Variants in ZNF555 observed in about 807,000 individuals in gnomAD.
The protein encoded by ZNF555 is zinc finger protein 555.
Under a neutral mutation model 14.0 loss-of-function variants are expected in ZNF555, and 10 were observed. The observed-to-expected ratio is 0.72, with a 90% CI of 0.44 to 1.21. The LOEUF (loss-of-function observed/expected upper bound fraction) is 1.21, where lower values mean the gene tolerates loss of function less well. Ranked by LOEUF, ZNF555 falls within the 50% of genes most tolerant of loss-of-function variation. The pLI is 0.00. For missense variants in ZNF555, 747 were observed against 762.0 expected, an observed-to-expected ratio of 0.98 and a Z score of 0.23; for synonymous variants, 277 against 262.4, an observed-to-expected ratio of 1.06 and a Z score of -0.54.
At chr19:2,843,486 T>G (rs2087555952) in intron 1 of ZNF555, among the ~76,000 whole-genome samples, 1 of 152,210 alleles carries the variant, frequency 6.6e-6, no homozygotes, top group Admixed American at 6.5e-5. Context: ...AAAATGTTAC[T>G]GGGGAGAAGA....
chr19:2,841,656 G>T, intron 1 of ZNF555, 81 bp downstream of exon 1: 1 of 1,391,732 alleles, frequency 7.2e-7, no homozygotes, highest in South Asian at 1.6e-5. Flanking sequence ...GGGGGGAGCT[G>T]AGGGACGCGG....
chr19:2,851,652 G>T lies in ZNF555; in HGVS notation c.314+1G>T. ...CCACAAACCAGGGGAGAAATCTCAG[G>T]TGAGTTGCACTCACAAGAGAACATA... On this transcript the variant is annotated splice_donor_variant, in intron 3 of 3. Transcript: ENST00000334241. LOFTEE classifies it high-confidence loss of function. 1.3e-6 allele frequency: 2 copies of T among 1,568,762 alleles called. No individual in the cohort carries two copies. The highest frequency in any genetic ancestry group is 2.3e-5 in the East Asian group (1 of 43,282).
chr19:2,841,645 TG>T (rs1568340539), intron 1 of ZNF555, 70 bp downstream of exon 1: 5 of 1,426,008 alleles, frequency 3.5e-6, no homozygotes, highest in Non-Finnish European at 3.7e-6. Context: ...GACCGCGGCT[TG>T]GGGGGAGCTG....
Position 2,852,271 on chromosome 19 carries a change from G to C in ZNF555, c.315-109G>C, listed in dbSNP as rs1273889805. Reference sequence around the variant, plus strand: ...ATTTCATTTTCAGACAGTTCCCATGGGGTGAAAAACCTATGCTTTCACTGA... The same window carrying C: ...ATTTCATTTTCAGACAGTTCCCATGCGGTGAAAAACCTATGCTTTCACTGA... On this transcript the variant is annotated intron_variant, in intron 3 of 3. Coordinates refer to ENST00000334241, the MANE Select transcript of ZNF555 (RefSeq NM_152791.5). 9 of 1,329,378 alleles carry C rather than the reference G, an allele frequency of 6.8e-6. No homozygotes were observed. In the Admixed American group the frequency reaches 1.8e-4, roughly 27 times the overall value. The allele number at this position is 1,329,378 out of a possible 1,614,324, so 82.3% of individuals were successfully genotyped here.
In ZNF555 at chr19:2,852,406, G is replaced by A. The variant is rs373956953; in HGVS notation, c.341G>A (p.Cys114Tyr). Reference protein sequence around the residue: ...LSRNHGLERLCESNDQCGEAL... With the variant: ...LSRNHGLERLYESNDQCGEAL... The stretch of plus-strand genomic sequence containing the variant: ...AGAAATCATGGGTTGGAGAGACTCT[G>A]TGAAAGTAATGATCAATGTGGAGAA... Residue 114 changes from cysteine (C) to tyrosine (Y), a missense_variant, in exon 4 of 4, where the codon TGT becomes TAT. Physicochemically the swap from Cys to Tyr is radical, Grantham distance 194. Coordinates refer to ENST00000334241, the MANE Select transcript of ZNF555 (RefSeq NM_152791.5). 1 of 1,614,154 alleles carries A rather than the reference G, an allele frequency of 6.2e-7. No individual in the cohort carries two copies. The highest frequency in any genetic ancestry group is 1.7e-5 in the Admixed American group (1 of 60,028).
At chr19:2,843,925 G>C (rs978695898) in intron 1 of ZNF555, among the ~76,000 whole-genome samples, 22 of 152,280 alleles carry the variant, frequency 1.4e-4, no homozygotes, top group African/African-American at 4.3e-4. Flanking sequence ...CTAGAATGCA[G>C]TGGTGCTGTC....
Position 2,848,312 on chromosome 19 carries a change from C to T in ZNF555, c.4-2275C>T, listed in dbSNP as rs551749717. 5.9e-5 allele frequency among the ~76,000 whole-genome samples: 9 copies of T among 151,966 alleles called. No individual in the cohort carries two copies. The South Asian group carries it at 6.2e-4, about 11-fold the overall frequency. ...GACTACAGGCGCCCACCACCACGCC[C>T]GGCTAATTTTTTTGTATTTTTAGTA... is the stretch of plus-strand genomic sequence containing the variant. On this transcript the variant is annotated intron_variant, in intron 1 of 3. Transcript: ENST00000334241.
At chr19:2,852,347 TAATC>T in intron 3 of ZNF555, 29 bp from the exon 4 acceptor site, 3 of 1,611,904 alleles carry the variant, frequency 1.9e-6, no homozygotes, top group Middle Eastern at 1.7e-4. Context: ...AAATCATTAT[TAATC>T]AAACCAATAA....
Position 2,853,850 on chromosome 19 carries a change from T to C in ZNF555, c.1785T>C (p.Asn595=), listed in dbSNP as rs759358284. 1 of 1,614,042 alleles carries C rather than the reference T, an allele frequency of 6.2e-7. No homozygotes were observed. Among genetic ancestry groups the C allele is most frequent in the Non-Finnish European group, 8.5e-7 (1 of 1,179,980 alleles). ...IHTTEKQYKC[N]VGHPPANEFM... is the part of the protein sequence containing the mutation. ...CTACAGAAAAACAGTATAAGTGTAA[T>C]GTAGGACATCCTCCTGCAAATGAAT... Residue 595 remains asparagine (N), a synonymous_variant, in exon 4 of 4, where the codon AAT becomes AAC. Coordinates refer to ENST00000334241, the MANE Select transcript of ZNF555 (RefSeq NM_152791.5).
Position 2,858,130 on chromosome 19 carries a change from C to A in ZNF555, c.*4178C>A, listed in dbSNP as rs963325329. 2 of 152,244 alleles carry A rather than the reference C, an allele frequency of 1.3e-5. No individual in the cohort carries two copies. Among genetic ancestry groups the A allele is most frequent in the Admixed American group, 6.5e-5 (1 of 15,268 alleles). 9.4% of individuals were successfully genotyped at this position (152,244 alleles called of 1,614,324 possible). A position where few individuals can be genotyped will look rare whatever the true frequency, so the allele number is the denominator to read the frequency against. ...ACTTGAGGCCTTGAGGAGCCATGAT[C>A]GTGCCACTGCACTCCAGCTTGGGTG... On this transcript the variant is annotated 3_prime_UTR_variant, in exon 4 of 4. Transcript: ENST00000334241.
In ZNF555 at chr19:2,853,432, A is replaced by C; in HGVS notation, c.1367A>C (p.Gln456Pro). ...AGAGAGAAACCCTATGAATGTAAGC[A>C]GTGTGGGAAAGCCTTCAGCTTGTCT... is the stretch of plus-strand genomic sequence containing the variant. ...HTREKPYECK[Q>P]CGKAFSLSAC... Residue 456 changes from glutamine to proline, a missense_variant, in exon 4 of 4, where the codon CAG becomes CCG. Coordinates refer to ENST00000334241, the MANE Select transcript of ZNF555 (RefSeq NM_152791.5). 2 of 1,614,210 alleles carry C rather than the reference A, an allele frequency of 1.2e-6. No homozygotes were observed. The highest frequency in any genetic ancestry group is 3.3e-5 in the Admixed American group (2 of 60,020).
In ZNF555 at chr19:2,851,521, G is replaced by T. The variant is rs377095279; in HGVS notation, c.184G>T (p.Gly62Ter). 4 of 1,608,530 alleles carry T rather than the reference G, an allele frequency of 2.5e-6. No individual in the cohort carries two copies. The highest frequency in any genetic ancestry group is 2.5e-6 in the Non-Finnish European group (3 of 1,178,550). The change falls in exon 3 of 4, where the codon GGA (glycine) becomes TGA (stop). Residue 62 changes from glycine (G) to a stop codon, truncating the protein, a stop_gained. Coordinates refer to ENST00000334241, the MANE Select transcript of ZNF555 (RefSeq NM_152791.5). LOFTEE classifies it high-confidence loss of function. ...GTCAGTTTCTCAGCAGGATATTTAT[G>T]GAGAGAAAATACCCAAGGAATCTAA... Reference protein sequence around the residue: ...SGSVSQQDIYGEKIPKESKIA... With the variant: ...SGSVSQQDIY
chr19:2,851,449 G>A lies in ZNF555; in HGVS notation c.131-19G>A. 1.2e-5 allele frequency: 19 copies of A among 1,555,852 alleles called. No individual in the cohort carries two copies. The highest frequency in any genetic ancestry group is 1.4e-5 in the Non-Finnish European group (16 of 1,154,780). On this transcript the variant is annotated intron_variant, in intron 2 of 3. Coordinates refer to ENST00000334241, the MANE Select transcript of ZNF555 (RefSeq NM_152791.5). ...TAACAAGTGCCTTCTTATATGATTT[G>A]TTTACTTTTTGGTTTCAGATGATGA...
In ZNF555 at chr19:2,853,509, T is replaced by C; in HGVS notation, c.1444T>C (p.Cys482Arg). The C allele has an allele frequency of 6.2e-7, 1 of 1,614,176 alleles. No individual in the cohort carries two copies. The highest frequency in any genetic ancestry group is 8.5e-7 in the Non-Finnish European group (1 of 1,180,026). ...GCACCCTGAAGACAAATCCTATGAA[T>C]GCAAGCTATGTGGGAAAGCTTTCTA... is the stretch of plus-strand genomic sequence containing the variant. ...RMHPEDKSYE[C>R]KLCGKAFYCH... The change falls in exon 4 of 4, where the codon TGC (cysteine) becomes CGC (arginine). Residue 482 changes from cysteine to arginine, a missense_variant. Transcript: ENST00000334241.
chr19:2,849,019 A>G (rs2087605791), intron 1 of ZNF555, among the ~76,000 whole-genome samples: 1 of 152,166 alleles, frequency 6.6e-6, no homozygotes, highest in Admixed American at 6.5e-5. Context: ...ATTATTAAAA[A>G]ACACTGCAAA....
In ZNF555 at chr19:2,852,703, C is replaced by T; in HGVS notation, c.638C>T (p.Ser213Phe). The stretch of plus-strand genomic sequence containing the variant: ...TGTGGGAAAACCTTTCCTCGTACTT[C>T]CTCCCTCAATCGGCATGTAAGGATT... ...KLCGKTFPRTSSLNRHVRIHT... is the reference protein window; with the variant it reads ...KLCGKTFPRTFSLNRHVRIHT... Residue 213 changes from serine to phenylalanine, a missense_variant, in exon 4 of 4, where the codon TCC (serine) becomes TTC (phenylalanine). Physicochemically the swap from Ser to Phe is radical, Grantham distance 155. Coordinates refer to ENST00000334241, the MANE Select transcript of ZNF555 (RefSeq NM_152791.5). The T allele has an allele frequency of 6.2e-7, 1 of 1,614,110 alleles. No individual in the cohort carries two copies. Among genetic ancestry groups the T allele is most frequent in the Non-Finnish European group, 8.5e-7 (1 of 1,179,982 alleles).
rs778169234 is a variant in ZNF555, at chr19:2,851,614, A to T, written c.277A>T (p.Ile93Phe). 1.2e-6 allele frequency: 2 copies of T among 1,601,914 alleles called. No individual in the cohort carries two copies. Among genetic ancestry groups the T allele is most frequent in the African/African-American group, 2.7e-5 (2 of 74,286 alleles). ...AGGAAAAATTTGGGACAGTCTTAGC[A>T]TCGAAGATCAAACCACAAACCAGGG... is the stretch of plus-strand genomic sequence containing the variant. ...VLGKIWDSLS[I>F]EDQTTNQGRN... Residue 93 changes from isoleucine to phenylalanine, a missense_variant, in exon 3 of 4, where the codon ATC becomes TTC. Coordinates refer to ENST00000334241, the MANE Select transcript of ZNF555 (RefSeq NM_152791.5).
intron 1 of ZNF555, among the ~76,000 whole-genome samples, chr19:2,850,160 G>A (rs2087616829): frequency 6.6e-6 from 1 of 152,208 alleles, no homozygotes; most frequent in South Asian, 2.1e-4. Context: ...CAATCCTTCA[G>A]TGTTTTTATC....
rs1318781488 is a variant in ZNF555, at chr19:2,841,524, G to A, written c.-49G>A. The A allele has an allele frequency of 2.6e-6, 4 of 1,545,530 alleles. No individual in the cohort carries two copies. The highest frequency in any genetic ancestry group is 3.5e-6 in the Non-Finnish European group (4 of 1,144,516). On this transcript the variant is annotated 5_prime_UTR_variant, in exon 1 of 4. Coordinates refer to ENST00000334241, the MANE Select transcript of ZNF555 (RefSeq NM_152791.5). Reference sequence around the variant, plus strand: ...GCCCCTAGCGGTCCCTGGCGTCCCGGTTCCTGTCGCGCTCACCTGCGCCGG... The same window carrying A: ...GCCCCTAGCGGTCCCTGGCGTCCCGATTCCTGTCGCGCTCACCTGCGCCGG...
Sources: gnomAD v4.1 joint callset for allele counts (sites outside exome capture counted in the v4.1 genomes callset) on GRCh38, gnomAD v4.1.1 for gene constraint, MANE v1.5 for transcripts, NCBI Gene and HGNC (gene_info 2026-07-23, HGNC 2026-07-21) for gene names.